Variants in NIPBL observed in about 807,000 individuals in gnomAD.
The protein encoded by NIPBL is nipped-B-like protein.
NIPBL carries 19 observed loss-of-function variants against 321.8 expected under a neutral mutation model. The ratio of observed to expected loss-of-function variants is 0.06; its 90% CI spans 0.04 to 0.09. NIPBL has a LOEUF of 0.09. Ranked by LOEUF, NIPBL falls within the 10% of genes least tolerant of loss-of-function variation. NIPBL has a pLI of 1.00. For missense variants in NIPBL, 2,210 were observed against 3,327.0 expected (o/e 0.66, Z 8.26); for synonymous variants, 1,106 against 1,114.1 (o/e 0.99, Z 0.14).
At chr5:36,992,281 A>G (rs1197877142) in intron 10 of NIPBL, among the ~76,000 whole-genome samples, 1 of 152,242 alleles carries the variant, frequency 6.6e-6, no homozygotes, top group East Asian at 1.9e-4. Flanking sequence ...ATCATAAAGC[A>G]CTAGTAATCT....
chr5:37,006,553 A>G lies in NIPBL; in HGVS notation c.4052A>G (p.Gln1351Arg). 1 of 1,608,386 alleles carries G rather than the reference A, an allele frequency of 6.2e-7. No homozygotes were observed. Among genetic ancestry groups the G allele is most frequent in the Non-Finnish European group, 8.5e-7 (1 of 1,175,426 alleles). ...CATTTGCAGAATACACTTTATCCTC[A>G]GTATGATCCTGTTTACAGATTAGAT... Reference protein sequence around the residue: ...KFHLQNTLYPQYDPVYRLDPH... With the variant: ...KFHLQNTLYPRYDPVYRLDPH... The change falls in exon 17 of 47, where the codon CAG (glutamine) becomes CGG (arginine). Residue 1351 changes from glutamine (Q) to arginine (R), a missense_variant. Physicochemically the swap from Gln to Arg is conservative, Grantham distance 43. Coordinates refer to ENST00000282516, the MANE Select transcript of NIPBL (RefSeq NM_133433.4).
At chr5:36,978,792 G>A (rs1466921990) in intron 9 of NIPBL, among the ~76,000 whole-genome samples, 17 of 151,646 alleles carry the variant, frequency 1.1e-4, no homozygotes, top group African/African-American at 3.6e-4. Context: ...GTCCCGTCTC[G>A]TTCTTCTGCT....
chr5:36,979,870 C>G (rs1743939322), intron 9 of NIPBL, among the ~76,000 whole-genome samples: 1 of 151,650 alleles, frequency 6.6e-6, no homozygotes, highest in Non-Finnish European at 1.5e-5. Flanking sequence ...TATCACAATT[C>G]CCTGACCAAG....
At chr5:37,043,698 TTAGAAG>T (rs1328913106) in intron 34 of NIPBL, among the ~76,000 whole-genome samples, 3 of 152,202 alleles carry the variant, frequency 2.0e-5, no homozygotes, top group Admixed American at 6.5e-5. Flanking sequence ...ACTGTGTTTC[TTAGAAG>T]TAAAGAAGCC....
Position 36,953,800 on chromosome 5 carries a change from T to C in NIPBL, c.64+40T>C, listed in dbSNP as rs1279688335. 2.0e-6 allele frequency: 3 copies of C among 1,498,600 alleles called. No individual in the cohort carries two copies. The South Asian group carries it at 3.4e-5, about 17-fold the overall frequency. 92.8% of individuals were successfully genotyped at this position (1,498,600 alleles called of 1,614,324 possible). ...TTTATCTAATTTAAGTTCTACTGTG[T>C]GTTAACAATAATTTTTACAGTGACT... On this transcript the variant is annotated intron_variant, in intron 2 of 46. Coordinates refer to ENST00000282516, the MANE Select transcript of NIPBL (RefSeq NM_133433.4).
In NIPBL at chr5:37,008,101, A is replaced by G. The variant is rs756089239; in HGVS notation, c.4320+13A>G. The G allele has an allele frequency of 1.3e-6, 2 of 1,547,786 alleles. No individual in the cohort carries two copies. The highest frequency in any genetic ancestry group is 1.8e-6 in the Non-Finnish European group (2 of 1,120,154). On this transcript the variant is annotated intron_variant, in intron 19 of 46. Coordinates refer to ENST00000282516, the MANE Select transcript of NIPBL (RefSeq NM_133433.4). ...GTTAGTCACTGCAGTAAGTATAATC[A>G]ATTTGTATTTTTAGTTACCCCACAA...
intron 1 of NIPBL, among the ~76,000 whole-genome samples, chr5:36,883,633 G>A (rs976051190): frequency 3.3e-5 from 5 of 151,854 alleles, no homozygotes; most frequent in Admixed American, 3.3e-4. Flanking sequence ...TTTGGTATTT[G>A]TAAAGCAAAA....
chr5:37,046,811 G>T (rs1282140571), intron 38 of NIPBL, among the ~76,000 whole-genome samples: 2 of 152,130 alleles, frequency 1.3e-5, no homozygotes. Context: ...AATAGGAGGT[G>T]AATGGCATTA....
At chr5:37,049,455 G>A (rs1421351411) in intron 40 of NIPBL, among the ~76,000 whole-genome samples, 154 bp downstream of exon 40, 4 of 151,936 alleles carry the variant, frequency 2.6e-5, no homozygotes, top group African/African-American at 7.3e-5. Context: ...TAATCTCTTG[G>A]GTTATGATTA....
chr5:36,927,933 G>A (rs1303170452), intron 1 of NIPBL, among the ~76,000 whole-genome samples: 1 of 151,908 alleles, frequency 6.6e-6, no homozygotes, highest in Admixed American at 6.6e-5. Flanking sequence ...TGATCCACCT[G>A]CCTCAGCCTC....
intron 1 of NIPBL, among the ~76,000 whole-genome samples, chr5:36,940,398 T>C (rs930611103): frequency 7.2e-5 from 11 of 152,162 alleles, no homozygotes; most frequent in Non-Finnish European, 1.5e-4. Flanking sequence ...ATGAACTAAT[T>C]TGTACGTACC....
At position 37,051,825 on chromosome 5, in the gene NIPBL, T is replaced by C. The variant is rs762029831; in HGVS notation, c.7001T>C (p.Met2334Thr). 1.2e-6 allele frequency: 2 copies of C among 1,614,012 alleles called. No individual in the cohort carries two copies. Among genetic ancestry groups the C allele is most frequent in the Non-Finnish European group, 8.5e-7 (1 of 1,179,936 alleles). ...ATGGGCACAGACCCAGAACCTGCTA[T>C]GCGGAACAAGGCTGATCAGCAACTT... The part of the protein sequence containing the change: ...IAMGTDPEPA[M>T]RNKADQQLVE... The change falls in exon 41 of 47, where the codon ATG (methionine) becomes ACG (threonine). Residue 2334 changes from methionine (M) to threonine (T), a missense_variant. By Grantham distance (81) the Met-to-Thr change is moderately conservative. This residue lies in a region of NIPBL where 112 missense variants were observed against 288.3 expected (regional missense o/e 0.39). Coordinates refer to ENST00000282516, the MANE Select transcript of NIPBL (RefSeq NM_133433.4).
intron 1 of NIPBL, among the ~76,000 whole-genome samples, chr5:36,906,267 A>G (rs1015838956): frequency 2.6e-5 from 4 of 152,216 alleles, no homozygotes; most frequent in African/African-American, 9.6e-5. Flanking sequence ...AATATACATA[A>G]GATGTGTAAA....
chr5:36,967,699 C>CT (rs1742361368), intron 6 of NIPBL, among the ~76,000 whole-genome samples: 1 of 152,060 alleles, frequency 6.6e-6, no homozygotes, highest in Non-Finnish European at 1.5e-5. Flanking sequence ...ATCTCTTTTT[C>CT]TTTTTTCCAT....
At chr5:36,898,897 A>G (rs1746993410) in intron 1 of NIPBL, among the ~76,000 whole-genome samples, 1 of 152,116 alleles carries the variant, frequency 6.6e-6, no homozygotes, top group Non-Finnish European at 1.5e-5. Flanking sequence ...CTTCTCCACT[A>G]CCTTTGAACT....
At position 37,011,796 on chromosome 5, in the gene NIPBL, G is replaced by A. The variant is rs192367533; in HGVS notation, c.4560+1571G>A. ...ACAGCTAATTTTTTCACTCAACATC[G>A]CTTTTAATACATACAACTCATACTA... On this transcript the variant is annotated intron_variant, in intron 21 of 46. Coordinates refer to ENST00000282516, the MANE Select transcript of NIPBL (RefSeq NM_133433.4). Among the ~76,000 whole-genome samples, 1,229 of 151,356 alleles carry A rather than the reference G, an allele frequency of 8.1e-3. 11 individuals are homozygous for A. Among genetic ancestry groups the A allele is most frequent in the African/African-American group, 0.028 (1,165 of 41,192 alleles).
chr5:36,955,871 C>T (rs561707982), intron 3 of NIPBL, among the ~76,000 whole-genome samples: 54 of 151,910 alleles, frequency 3.6e-4, no homozygotes, highest in South Asian at 2.1e-4. Context: ...GATATTTTTT[C>T]AGCTCTTTTG....
At chr5:36,894,487 T>G (rs1360900496) in intron 1 of NIPBL, among the ~76,000 whole-genome samples, 1 of 152,184 alleles carries the variant, frequency 6.6e-6, no homozygotes, top group Non-Finnish European at 1.5e-5. Flanking sequence ...ACATATAATA[T>G]ATTCGTATAT....
intron 29 of NIPBL, among the ~76,000 whole-genome samples, chr5:37,024,166 C>CA (rs34509147): frequency 4.0e-4 from 55 of 138,452 alleles, no homozygotes; most frequent in Admixed American, 5.1e-4. Context: ...AACTCCATCC[C>CA]AAAAAAAAAA....
Sources: gnomAD v4.1 joint callset for allele counts (sites outside exome capture counted in the v4.1 genomes callset) on GRCh38, gnomAD v4.1.1 for gene constraint, gnomAD v4.1.1 regional missense constraint, MANE v1.5 for transcripts, NCBI Gene and HGNC (gene_info 2026-07-23, HGNC 2026-07-21) for gene names.